SLC35A3: variants seen among roughly 807,000 people sequenced by gnomAD.
SLC35A3 encodes solute carrier family 35 member A3.
A neutral mutation model predicts 39.0 loss-of-function variants in SLC35A3; 26 were observed. The ratio of observed to expected loss-of-function variants is 0.67; its 90% CI spans 0.49 to 0.92. The LOEUF (loss-of-function observed/expected upper bound fraction) is 0.92. Ranked by LOEUF, SLC35A3 falls within the 40% of genes least tolerant of loss-of-function variation. The probability of loss-of-function intolerance (pLI) is 0.00; values close to 1 mark genes in which losing one functional copy is unlikely to be tolerated. For synonymous variants in SLC35A3, 135 were observed against 133.1 expected (o/e 1.01, Z -0.10); for missense variants, 299 against 371.6 (o/e 0.80, Z 1.61).
chr1:99,970,852 GTTC>G (rs1656763845), intron 1 of SLC35A3, among the ~76,000 whole-genome samples: 1 of 152,198 alleles, frequency 6.6e-6, no homozygotes, highest in Non-Finnish European at 1.5e-5. Flanking sequence ...CTTACTTGGT[GTTC>G]TTATTCACTT....
At chr1:99,990,463 A>G (rs12409107) in intron 1 of SLC35A3, among the ~76,000 whole-genome samples, 13 of 152,054 alleles carry the variant, frequency 8.5e-5, no homozygotes, top group Admixed American at 7.2e-4. Context: ...AATTCCAGCT[A>G]CTCGGGAGGC....
chr1:99,970,461 C>T, intron 1 of SLC35A3: 1 of 998,150 alleles, frequency 1.0e-6, no homozygotes, highest in Non-Finnish European at 1.5e-6. Flanking sequence ...GCAGTGTGTG[C>T]CTCAGCGCCT....
At chr1:99,999,457 T>C in intron 3 of SLC35A3, 42 bp downstream of exon 3, 1 of 1,346,224 alleles carries the variant, frequency 7.4e-7, no homozygotes, top group Non-Finnish European at 1.0e-6. Flanking sequence ...AAAACTTTTT[T>C]CTTATACATA....
intron 3 of SLC35A3, 61 bp downstream of exon 3, chr1:99,999,476 A>G: frequency 1.8e-6 from 2 of 1,115,602 alleles, no homozygotes; most frequent in Non-Finnish European, 2.6e-6. Flanking sequence ...TAATAATTGT[A>G]TATATTTATG....
At chr1:99,970,743 T>C in intron 1 of SLC35A3, 1 of 762,768 alleles carries the variant, frequency 1.3e-6, no homozygotes, top group Non-Finnish European at 2.1e-6. Context: ...GACGATCTTT[T>C]ATTATGTTCT....
At position 100,017,131 on chromosome 1, in the gene SLC35A3, A is replaced by G. The variant is rs138609918; in HGVS notation, c.754-551A>G. On this transcript the variant is annotated intron_variant, in intron 6 of 7. Coordinates refer to ENST00000533028, the MANE Select transcript of SLC35A3 (RefSeq NM_012243.3). ...AAACCTCATTATTAAAGTAGCCACA[A>G]TTGGGAATTTGAGAGGGATTAGGTA... 1.7e-3 allele frequency among the ~76,000 whole-genome samples: 254 copies of G among 152,326 alleles called. 3 individuals carry two copies. Among genetic ancestry groups the G allele is most frequent in the African/African-American group, 5.7e-3 (235 of 41,578 alleles).
chr1:99,973,554 T>C (rs1413060563), intron 1 of SLC35A3, among the ~76,000 whole-genome samples: 1 of 152,234 alleles, frequency 6.6e-6, no homozygotes, highest in Non-Finnish European at 1.5e-5. Context: ...GGCTTCTCTA[T>C]CCAGATTGCC....
At chr1:99,996,688 C>T (rs896973180) in intron 2 of SLC35A3, among the ~76,000 whole-genome samples, 4 of 152,098 alleles carry the variant, frequency 2.6e-5, no homozygotes, top group Non-Finnish European at 4.4e-5. Flanking sequence ...GCCTGGGCAA[C>T]ATAGCGAGGC....
chr1:100,009,157 A>C (rs1274024898), intron 4 of SLC35A3: 1 of 152,202 alleles, frequency 6.6e-6, no homozygotes, highest in East Asian at 1.9e-4. Context: ...TAAGGTAGAT[A>C]TTATTCTTCC....
In SLC35A3 at chr1:100,019,915, C is replaced by G. The variant is rs190505419; in HGVS notation, c.887+2100C>G. Among the ~76,000 whole-genome samples, 16 of 152,260 alleles carry G rather than the reference C, an allele frequency of 1.1e-4. No homozygotes were observed. The East Asian group carries it at 3.1e-3, about 29-fold the overall frequency. On this transcript the variant is annotated intron_variant, in intron 7 of 7. Transcript: ENST00000533028. ...CTTGTTATTTTGCTTATTGGTGTTA[C>G]CATTCTTCCATTTAGGGTTGCTTAT...
chr1:100,007,320 T>A, intron 4 of SLC35A3, 164 bp downstream of exon 4: 1 of 587,566 alleles, frequency 1.7e-6, no homozygotes, highest in South Asian at 2.2e-5. Context: ...CATACTACAT[T>A]GGGAGTGTAA....
chr1:99,999,136 T>G (rs1658595828), intron 2 of SLC35A3, 125 bp from the exon 3 acceptor site: 1 of 491,186 alleles, frequency 2.0e-6, no homozygotes, highest in Non-Finnish European at 3.6e-6. Flanking sequence ...ATTTTAGTCC[T>G]AAAAGTATCT....
intron 2 of SLC35A3, among the ~76,000 whole-genome samples, chr1:99,996,383 A>G (rs1658398244): frequency 6.6e-6 from 1 of 152,162 alleles, no homozygotes; most frequent in South Asian, 2.1e-4. Flanking sequence ...TTAATAGAAA[A>G]GGGGGCAAAG....
rs1487492134 is a variant in SLC35A3 at position 100,035,594 on chromosome 1, T to C, written c.*13118T>C. On this transcript the variant is annotated 3_prime_UTR_variant, in exon 8 of 8. Coordinates refer to ENST00000533028, the MANE Select transcript of SLC35A3 (RefSeq NM_012243.3). ...CTCTGTGCAGATAGTGTCTCATTTA[T>C]TGATGTATCCCTGGCATCTAATAAA... is the stretch of plus-strand genomic sequence containing the variant. 4 of 152,256 alleles carry C rather than the reference T, an allele frequency of 2.6e-5. No individual in the cohort carries two copies. Among genetic ancestry groups the C allele is most frequent in the Non-Finnish European group, 5.9e-5 (4 of 68,044 alleles). 9.4% of individuals were successfully genotyped at this position (152,256 alleles called of 1,614,324 possible).
At chr1:99,973,372 A>T (rs1656925598) in intron 1 of SLC35A3, among the ~76,000 whole-genome samples, 1 of 152,228 alleles carries the variant, frequency 6.6e-6, no homozygotes, top group Admixed American at 6.5e-5. Flanking sequence ...TTAGATTTTA[A>T]TCCTCACAAA....
chr1:99,982,550 C>A (rs1192154465), intron 1 of SLC35A3, among the ~76,000 whole-genome samples: 2 of 152,028 alleles, frequency 1.3e-5, no homozygotes, highest in African/African-American at 4.8e-5. Context: ...AAGCAAGGAT[C>A]TTTGGGAGCT....
chr1:100,016,063 A>ATT lies in SLC35A3; in HGVS notation c.753+662_753+663dup, dbSNP rs570217343. On this transcript the variant is annotated intron_variant, in intron 6 of 7. Coordinates refer to ENST00000533028, the MANE Select transcript of SLC35A3 (RefSeq NM_012243.3). ...TTTTAAAAGCAGGTAGGATACTTCT[A>ATT]TTTTTTTTTTTTTTTTTTTTGAGAC... Among the ~76,000 whole-genome samples the ATT allele has an allele frequency of 4.3e-3, 560 of 130,296 alleles. 3 individuals carry two copies. Among genetic ancestry groups the ATT allele is most frequent in the African/African-American group, 0.015 (521 of 34,818 alleles). The allele number at this position is 130,296 out of a possible 152,430, so 85.5% of individuals were successfully genotyped here.
chr1:99,999,469 T>G, intron 3 of SLC35A3, 54 bp downstream of exon 3: 4 of 1,145,460 alleles, frequency 3.5e-6, no homozygotes, highest in South Asian at 1.5e-5. Context: ...TTATACATAA[T>G]AATTGTATAT....
At position 100,033,828 on chromosome 1, in the gene SLC35A3, A is replaced by T. The variant is rs1429889279; in HGVS notation, c.*11352A>T. 1 of 152,210 alleles carries T rather than the reference A, an allele frequency of 6.6e-6. No individual in the cohort carries two copies. Among genetic ancestry groups the T allele is most frequent in the Non-Finnish European group, 1.5e-5 (1 of 68,038 alleles). The allele number at this position is 152,210 out of a possible 1,614,324, so 9.4% of individuals were successfully genotyped here. On this transcript the variant is annotated 3_prime_UTR_variant, in exon 8 of 8. Coordinates refer to ENST00000533028, the MANE Select transcript of SLC35A3 (RefSeq NM_012243.3). ...CCCCACCTTTGTAATAAAATTAATT[A>T]AAATTTTAAAAAAGTATATTTAATA...
Sources: gnomAD v4.1 joint callset for allele counts (sites outside exome capture counted in the v4.1 genomes callset) on GRCh38, gnomAD v4.1.1 for gene constraint, MANE v1.5 for transcripts, NCBI Gene and HGNC (gene_info 2026-07-23, HGNC 2026-07-21) for gene names.